INPP5B: variants seen among roughly 807,000 people sequenced by gnomAD.
The protein encoded by INPP5B is inositol polyphosphate-5-phosphatase B.
In INPP5B, 90 loss-of-function variants were observed where a neutral mutation model predicts 118.5. The ratio of observed to expected loss-of-function variants is 0.76; its 90% CI spans 0.64 to 0.90. The LOEUF is 0.90. Ranked by LOEUF, INPP5B falls within the 40% of genes least tolerant of loss-of-function variation. INPP5B has a pLI of 0.00. For missense variants in INPP5B, 984 were observed against 1,125.6 expected (o/e 0.87, Z 1.80); for synonymous variants, 385 against 418.9 (o/e 0.92, Z 0.99).
At chr1:37,937,268 G>A (rs1463204908) in intron 6 of INPP5B, among the ~76,000 whole-genome samples, 12 of 151,862 alleles carry the variant, frequency 7.9e-5, no homozygotes, top group South Asian at 2.1e-4. Context: ...CCAAGATGGC[G>A]CCACTGCACT....
chr1:37,901,734 G>C (rs1201302752), intron 7 of INPP5B, among the ~76,000 whole-genome samples: 1 of 152,118 alleles, frequency 6.6e-6, no homozygotes, highest in Non-Finnish European at 1.5e-5. Flanking sequence ...GGTCTTCTCG[G>C]AATCTCCTCT....
intron 7 of INPP5B, among the ~76,000 whole-genome samples, chr1:37,916,608 G>A (rs1284221277): frequency 6.6e-6 from 1 of 151,554 alleles, no homozygotes; most frequent in Non-Finnish European, 1.5e-5. Flanking sequence ...TAGAGATGGG[G>A]TTTCTCCATG....
chr1:37,931,833 G>A (rs916872974), intron 7 of INPP5B, 80 bp downstream of exon 7: 5 of 1,610,040 alleles, frequency 3.1e-6, no homozygotes, highest in East Asian at 4.5e-5. Flanking sequence ...CCATCGCTCC[G>A]CCCCAAAACA....
intron 7 of INPP5B, chr1:37,931,211 G>A: frequency 5.9e-6 from 2 of 339,478 alleles, no homozygotes; most frequent in Non-Finnish European, 1.1e-5. Context: ...CCTGTACACT[G>A]CGCTATCATC....
intron 7 of INPP5B, among the ~76,000 whole-genome samples, chr1:37,899,067 GCT>G (rs1644230671): frequency 6.6e-6 from 1 of 151,366 alleles, no homozygotes; most frequent in South Asian, 2.1e-4. Context: ...TGTAATCCCA[GCT>G]ACTTGGGAGG....
intron 13 of INPP5B, chr1:37,885,258 C>T (rs1256933612): frequency 5.7e-5 from 9 of 158,090 alleles, no homozygotes; most frequent in Admixed American, 1.2e-4. Flanking sequence ...CTAAAAAATA[C>T]AAAAAATTAG....
At chr1:37,946,158 A>G in intron 2 of INPP5B, 94 bp downstream of exon 2, 2 of 1,174,222 alleles carry the variant, frequency 1.7e-6, no homozygotes, top group Admixed American at 2.0e-5. Context: ...GATGGTTCAG[A>G]GGGGCAGGAG....
At chr1:37,866,406 T>TCTCTCACACACACACA (rs748938943) in intron 21 of INPP5B, 53 bp downstream of exon 21, 19 of 404,498 alleles carry the variant, frequency 4.7e-5, no homozygotes, top group African/African-American at 1.2e-4. Context: ...TCTCTCTCTC[T>TCTCTCACACACACACA]CACACACACA....
rs1429401403 is a variant in INPP5B, at chr1:37,940,757, G to A, written c.322C>T (p.Leu108Phe). 3.1e-6 allele frequency: 5 copies of A among 1,614,102 alleles called. No individual in the cohort carries two copies. The South Asian group carries it at 3.3e-5, about 11-fold the overall frequency. The change falls in exon 6 of 24, where the codon CTC becomes TTC. Residue 108 changes from leucine (L) to phenylalanine (F), a missense_variant. Around this residue, in one of 2 missense-constraint regions of INPP5B, gnomAD observed 350 missense variants for 334.6 expected, o/e 1.05. Coordinates refer to ENST00000373024, the MANE Select transcript of INPP5B (RefSeq NM_005540.3). The stretch of plus-strand genomic sequence containing the variant: ...GAACCAAAGGGCAGTTGGAATACGA[G>A]GCTAAGCTCTGCTGTGTCCAGCTGG... ...TVQLDTAELS[L>F]VFQLPFGSQT...
intron 14 of INPP5B, among the ~76,000 whole-genome samples, chr1:37,880,851 A>T (rs973745526): frequency 1.1e-4 from 16 of 152,170 alleles, no homozygotes; most frequent in African/African-American, 3.9e-4. Flanking sequence ...TCAGCCTCCC[A>T]AGTAGCTGGG....
At chr1:37,864,562 A>G (rs1033226482) in intron 22 of INPP5B, 139 bp from the exon 23 acceptor site, 5 of 556,094 alleles carry the variant, frequency 9.0e-6, no homozygotes, top group South Asian at 2.5e-5. Context: ...ACCACTTGGC[A>G]TAAGTATCAA....
intron 13 of INPP5B, 165 bp from the exon 14 acceptor site, chr1:37,883,083 A>C: frequency 1.0e-6 from 1 of 985,446 alleles, no homozygotes; most frequent in Non-Finnish European, 1.2e-6. Context: ...CCATTTAATA[A>C]TCTAATGTGA....
At chr1:37,937,900 G>A (rs954997985) in intron 6 of INPP5B, among the ~76,000 whole-genome samples, 89 of 151,612 alleles carry the variant, frequency 5.9e-4, no homozygotes, top group African/African-American at 1.9e-3. Context: ...CCCCAGAGGC[G>A]GAGGTTGTAG....
Position 37,883,038 on chromosome 1 carries a change from C to A in INPP5B, c.1320-120G>T, listed in dbSNP as rs2279262. On this transcript the variant is annotated intron_variant, in intron 13 of 23. Transcript: ENST00000373024. ...TCTTGGGAGGTGGGTGGGAAAATGG[C>A]TCAACTGTTCGGAAAATTTTTTTCT... 1.8e-3 allele frequency: 2,692 copies of A among 1,455,538 alleles called. 70 individuals carry two copies. In the East Asian group the frequency reaches 0.049, roughly 26 times the overall value. 90.2% of individuals were successfully genotyped at this position (1,455,538 alleles called of 1,614,324 possible). A position where few individuals can be genotyped will look rare whatever the true frequency, so the allele number is the denominator to read the frequency against.
intron 14 of INPP5B, 82 bp from the exon 15 acceptor site, chr1:37,880,276 G>A (rs1643116787): frequency 2.9e-6 from 3 of 1,047,874 alleles, no homozygotes; most frequent in South Asian, 2.7e-5. Context: ...ATATCAATCT[G>A]GAATTCAAAC....
At chr1:37,915,959 C>T (rs1644847235) in intron 7 of INPP5B, among the ~76,000 whole-genome samples, 1 of 152,198 alleles carries the variant, frequency 6.6e-6, no homozygotes, top group Non-Finnish European at 1.5e-5. Context: ...TCCCTCACTG[C>T]ATGACCAAGA....
intron 7 of INPP5B, among the ~76,000 whole-genome samples, chr1:37,906,686 T>C (rs915413293): frequency 6.6e-6 from 1 of 151,682 alleles, no homozygotes; most frequent in Non-Finnish European, 1.5e-5. Flanking sequence ...TGAAACCTCA[T>C]CTCTATTAAA....
chr1:37,864,123 T>C (rs1394013585), intron 23 of INPP5B, among the ~76,000 whole-genome samples, 189 bp downstream of exon 23: 2 of 151,998 alleles, frequency 1.3e-5, no homozygotes, highest in African/African-American at 4.8e-5. Flanking sequence ...CCCATGACTA[T>C]ACTTACTCTT....
At chr1:37,871,294 T>C (rs1642415032) in intron 19 of INPP5B, among the ~76,000 whole-genome samples, 1 of 142,498 alleles carries the variant, frequency 7.0e-6, no homozygotes, top group South Asian at 2.3e-4. Flanking sequence ...CCCGTCTCTA[T>C]AGAAAATACA....
Sources: gnomAD v4.1 joint callset for allele counts (sites outside exome capture counted in the v4.1 genomes callset) on GRCh38, gnomAD v4.1.1 for gene constraint, gnomAD v4.1.1 regional missense constraint, MANE v1.5 for transcripts, NCBI Gene and HGNC (gene_info 2026-07-23, HGNC 2026-07-21) for gene names.